CTSA: variants seen among roughly 807,000 people sequenced by gnomAD.
CTSA encodes lysosomal protective protein.
A neutral mutation model predicts 66.7 loss-of-function variants in CTSA; 42 were observed. The ratio of observed to expected loss-of-function variants is 0.63; its 90% confidence interval spans 0.49 to 0.81. The LOEUF (loss-of-function observed/expected upper bound fraction) is 0.81. Ranked by LOEUF, CTSA falls within the 40% of genes least tolerant of loss-of-function variation. CTSA has a pLI of 0.00. For missense variants in CTSA, 525 were observed against 610.9 expected, an observed-to-expected ratio of 0.86 and a Z score of 1.48; for synonymous variants, 225 against 248.6, an observed-to-expected ratio of 0.91 and a Z score of 0.89.
chr20:45,894,666 G>A lies in CTSA; in HGVS notation c.794G>A (p.Arg265His), dbSNP rs1257535287. 45 of 1,613,878 alleles carry A rather than the reference G, an allele frequency of 2.8e-5. No individual in the cohort carries two copies. The highest frequency in any genetic ancestry group is 3.3e-5 in the Admixed American group (2 of 59,990). ...TCATTGCAGCTTCAGGAAGTGGCCCGCATCGTGGGCAACTCTGGCCTCAAC... is the reference window on the plus strand; with the variant it reads ...TCATTGCAGCTTCAGGAAGTGGCCCACATCGTGGGCAACTCTGGCCTCAAC... Reference protein sequence around the residue: ...ECVTNLQEVARIVGNSGLNIY... With the variant: ...ECVTNLQEVAHIVGNSGLNIY... The change falls in exon 9 of 15, where the codon CGC (arginine) becomes CAC (histidine). Residue 265 changes from arginine to histidine, a missense_variant. Around this residue, in one of 3 missense-constraint regions of CTSA, gnomAD observed 274 missense variants for 321.1 expected, o/e 0.85. Coordinates refer to ENST00000646241, the MANE Select transcript of CTSA (RefSeq NM_000308.4).
chr20:45,892,327 T>C lies in CTSA; in HGVS notation c.357+4T>C, dbSNP rs1403580192. On this transcript the variant is annotated splice_donor_region_variant and intron_variant, in intron 4 of 14. Coordinates refer to ENST00000646241, the MANE Select transcript of CTSA (RefSeq NM_000308.4). ...CAACCCCTATTCTTGGAATCTGGTA[T>C]AGCTGGAGCTGTGGGTGTGTCTGGG... 1 of 1,614,196 alleles carries C rather than the reference T, an allele frequency of 6.2e-7. No homozygotes were observed. Among genetic ancestry groups the C allele is most frequent in the Non-Finnish European group, 8.5e-7 (1 of 1,180,004 alleles).
At chr20:45,892,183 T>C in intron 3 of CTSA, 90 bp from the exon 4 acceptor site, 1 of 1,482,446 alleles carries the variant, frequency 6.7e-7, no homozygotes. Context: ...CTCAGAGGTT[T>C]TACCCACATG....
rs765739873 is a variant in CTSA, at chr20:45,898,015, A to G, written c.1265A>G (p.Gln422Arg). The change falls in exon 14 of 15, where the codon CAG (glutamine) becomes CGG (arginine). Residue 422 changes from glutamine (Q) to arginine (R), a missense_variant. Physicochemically the swap from Gln to Arg is conservative, Grantham distance 43. Transcript: ENST00000646241. The surrounding 1 kb of genome is among the most constrained non-coding windows in gnomAD (Gnocchi z 4.6). ...VDSLNQKMEV[Q>R]RRPWLVKYGD... The stretch of plus-strand genomic sequence containing the variant: ...TTCCTGGTGGGGCAGATGGAGGTGC[A>G]GCGCCGGCCCTGGTTAGTGAAGTAC... 6.2e-7 allele frequency: 1 copy of G among 1,614,178 alleles called. No individual in the cohort carries two copies. Among genetic ancestry groups the G allele is most frequent in the Non-Finnish European group, 8.5e-7 (1 of 1,180,030 alleles).
In CTSA at chr20:45,898,658, C is replaced by T; in HGVS notation, c.*208C>T. 1 of 684,820 alleles carries T rather than the reference C, an allele frequency of 1.5e-6. No individual in the cohort carries two copies. Among genetic ancestry groups the T allele is most frequent in the Non-Finnish European group, 2.6e-6 (1 of 388,568 alleles). The allele number at this position is 684,820 out of a possible 1,614,324, so 42.4% of individuals were successfully genotyped here. On this transcript the variant is annotated 3_prime_UTR_variant, in exon 15 of 15. Coordinates refer to ENST00000646241, the MANE Select transcript of CTSA (RefSeq NM_000308.4). The surrounding 1 kb of genome is among the most constrained non-coding windows in gnomAD (Gnocchi z 4.6). ...TAGCACTTTATTCCCGCAGCAGTTC[C>T]TGAATGGGGTGGCCTGGCCCCTTCT...
At chr20:45,893,722 G>C (rs1025773774) in intron 7 of CTSA, among the ~76,000 whole-genome samples, 2 of 152,052 alleles carry the variant, frequency 1.3e-5, no homozygotes, top group Admixed American at 6.6e-5. Flanking sequence ...GGCCTCAAAT[G>C]ATCTTCCCAA....
chr20:45,894,847 C>G lies in CTSA; in HGVS notation c.894C>G (p.Val298=). The G allele has an allele frequency of 6.2e-7, 1 of 1,614,090 alleles. No individual in the cohort carries two copies. The highest frequency in any genetic ancestry group is 8.5e-7 in the Non-Finnish European group (1 of 1,180,018). Residue 298 remains valine, a synonymous_variant, in exon 10 of 15, where the codon GTC becomes GTG. Transcript: ENST00000646241. The part of the protein sequence containing the change: ...HFRYEKDTVV[V]QDLGNIFTRL... ...GGTATGAGAAGGACACTGTTGTGGTCCAGGATTTGGGCAACATCTTCACTC... is the reference window on the plus strand; with the variant it reads ...GGTATGAGAAGGACACTGTTGTGGTGCAGGATTTGGGCAACATCTTCACTC...
In CTSA at chr20:45,898,221, C is replaced by A. The variant is rs910315105; in HGVS notation, c.1359+112C>A. Reference sequence around the variant, plus strand: ...CTGGGTCATGGGTCACCATCTGGCCCCTGTATGGGCAAGTTTTTTTGGAGA... The same window carrying A: ...CTGGGTCATGGGTCACCATCTGGCCACTGTATGGGCAAGTTTTTTTGGAGA... On this transcript the variant is annotated intron_variant, in intron 14 of 14. Coordinates refer to ENST00000646241, the MANE Select transcript of CTSA (RefSeq NM_000308.4). This position sits in a 1 kb window ranked among gnomAD's most constrained non-coding sequence, Gnocchi z 4.6. 1 of 1,368,712 alleles carries A rather than the reference C, an allele frequency of 7.3e-7. No homozygotes were observed. The highest frequency in any genetic ancestry group is 2.4e-5 in the East Asian group (1 of 41,070). The allele number at this position is 1,368,712 out of a possible 1,614,324, so 84.8% of individuals were successfully genotyped here. A position where few individuals can be genotyped will look rare whatever the true frequency, so the allele number is the denominator to read the frequency against.
At position 45,891,429 on chromosome 20, in the gene CTSA, C is replaced by G. The variant is rs776257120; in HGVS notation, c.-1+50C>G. On this transcript the variant is annotated intron_variant, in intron 1 of 14. Transcript: ENST00000646241. This position sits in a 1 kb window ranked among gnomAD's most constrained non-coding sequence, Gnocchi z 4.6. Reference sequence around the variant, plus strand: ...GGGATCCCCGAGCCCGGGATCGGTGCGCGGCAGAGGAGGCTCGCGGGTGGG... The same window carrying G: ...GGGATCCCCGAGCCCGGGATCGGTGGGCGGCAGAGGAGGCTCGCGGGTGGG... 1 of 1,550,746 alleles carries G rather than the reference C, an allele frequency of 6.4e-7. No individual in the cohort carries two copies. Among genetic ancestry groups the G allele is most frequent in the Non-Finnish European group, 8.7e-7 (1 of 1,147,876 alleles).
chr20:45,892,891 G>A lies in CTSA; in HGVS notation c.600+11G>A, dbSNP rs370878542. On this transcript the variant is annotated intron_variant, in intron 6 of 14. Coordinates refer to ENST00000646241, the MANE Select transcript of CTSA (RefSeq NM_000308.4). Reference sequence around the variant, plus strand: ...AGCATGAACCTTCAGGTGCAGGGTAGCTGCAGGAGGGAAGGGAGGTAGCTT... The same window carrying A: ...AGCATGAACCTTCAGGTGCAGGGTAACTGCAGGAGGGAAGGGAGGTAGCTT... The A allele has an allele frequency of 1.2e-6, 2 of 1,613,744 alleles. No homozygotes were observed. The highest frequency in any genetic ancestry group is 1.7e-6 in the Non-Finnish European group (2 of 1,179,938).
chr20:45,891,374 G>A lies in CTSA; in HGVS notation c.-6G>A, dbSNP rs1471695726. On this transcript the variant is annotated 5_prime_UTR_variant, in exon 1 of 15. Transcript: ENST00000646241. This position sits in a 1 kb window ranked among gnomAD's most constrained non-coding sequence, Gnocchi z 4.6. ...TCCTGGAGAGCAAGGACGCGGGGGA[G>A]CAGAGGTGAGCTGGCACCGGAGGCT... is the stretch of plus-strand genomic sequence containing the variant. 2 of 1,573,164 alleles carry A rather than the reference G, an allele frequency of 1.3e-6. No homozygotes were observed. Among genetic ancestry groups the A allele is most frequent in the Admixed American group, 3.7e-5 (2 of 54,006 alleles).
rs1378263922 is a variant in CTSA at position 45,895,031 on chromosome 20, C to G, written c.986C>G (p.Pro329Arg). The change falls in exon 11 of 15, where the codon CCC (proline) becomes CGC (arginine). Residue 329 changes from proline (P) to arginine (R), a missense_variant. Physicochemically the swap from Pro to Arg is moderately radical, Grantham distance 103. This residue lies in a region of CTSA where 274 missense variants were observed against 321.1 expected (regional missense o/e 0.85). Coordinates refer to ENST00000646241, the MANE Select transcript of CTSA (RefSeq NM_000308.4). ...LRSGDKVRMD[P>R]PCTNTTAAST... ...TCAGGGGATAAAGTGCGCATGGACC[C>G]CCCCTGCACCAACACAACAGCTGCT... is the stretch of plus-strand genomic sequence containing the variant. 3 of 1,614,050 alleles carry G rather than the reference C, an allele frequency of 1.9e-6. No individual in the cohort carries two copies. The highest frequency in any genetic ancestry group is 2.5e-6 in the Non-Finnish European group (3 of 1,180,020).
chr20:45,897,893 G>T (rs2145824002), intron 13 of CTSA, 87 bp downstream of exon 13: 1 of 1,513,862 alleles, frequency 6.6e-7, no homozygotes, highest in East Asian at 2.3e-5. Context: ...CTGGCTGCCT[G>T]GCTCTGGCCC....
chr20:45,893,788 G>C (rs1040659216), intron 7 of CTSA, among the ~76,000 whole-genome samples, 200 bp from the exon 8 acceptor site: 2 of 152,132 alleles, frequency 1.3e-5, no homozygotes, highest in African/African-American at 4.8e-5. Context: ...AGATTTTAAA[G>C]GAACTAAGGA....
Position 45,891,826 on chromosome 20 carries a change from G to T in CTSA, c.194+64G>T. 6.2e-7 allele frequency: 1 copy of T among 1,610,486 alleles called. No individual in the cohort carries two copies. The highest frequency in any genetic ancestry group is 8.5e-7 in the Non-Finnish European group (1 of 1,176,788). ...GATGACGGATGAGGGATGGGGGGTA[G>T]TTCTGCAGACCCCTGAGGATGCCTG... On this transcript the variant is annotated intron_variant, in intron 2 of 14. Transcript: ENST00000646241. The surrounding 1 kb of genome is among the most constrained non-coding windows in gnomAD (Gnocchi z 4.6).
Position 45,895,027 on chromosome 20 carries a change from G to A in CTSA, c.982G>A (p.Asp328Asn). 1 of 1,614,108 alleles carries A rather than the reference G, an allele frequency of 6.2e-7. No individual in the cohort carries two copies. The highest frequency in any genetic ancestry group is 8.5e-7 in the Non-Finnish European group (1 of 1,180,018). ...LLRSGDKVRMDPPCTNTTAAS... is the reference protein window; with the variant it reads ...LLRSGDKVRMNPPCTNTTAAS... Reference sequence around the variant, plus strand: ...GCGCTCAGGGGATAAAGTGCGCATGGACCCCCCCTGCACCAACACAACAGC... The same window carrying A: ...GCGCTCAGGGGATAAAGTGCGCATGAACCCCCCCTGCACCAACACAACAGC... The change falls in exon 11 of 15, where the codon GAC becomes AAC. Residue 328 changes from aspartate to asparagine, a missense_variant. Around this residue, in one of 3 missense-constraint regions of CTSA, gnomAD observed 274 missense variants for 321.1 expected, o/e 0.85. Coordinates refer to ENST00000646241, the MANE Select transcript of CTSA (RefSeq NM_000308.4).
Position 45,892,723 on chromosome 20 carries a change from A to C in CTSA, c.445-2A>C. On this transcript the variant is annotated splice_acceptor_variant, in intron 5 of 14. Transcript: ENST00000646241. LOFTEE classifies it high-confidence loss of function. Reference sequence around the variant, plus strand: ...CCCTCTGTCTTGCTCTGCCATCCCCAGGTCGCCCAGAGCAATTTTGAGGCC... The same window carrying C: ...CCCTCTGTCTTGCTCTGCCATCCCCCGGTCGCCCAGAGCAATTTTGAGGCC... The C allele has an allele frequency of 6.2e-7, 1 of 1,614,184 alleles. No individual in the cohort carries two copies. The highest frequency in any genetic ancestry group is 1.3e-5 in the African/African-American group (1 of 75,042).
Position 45,898,130 on chromosome 20 carries a change from G to A in CTSA, c.1359+21G>A. 1 of 1,608,574 alleles carries A rather than the reference G, an allele frequency of 6.2e-7. No individual in the cohort carries two copies. The highest frequency in any genetic ancestry group is 8.5e-7 in the Non-Finnish European group (1 of 1,175,016). On this transcript the variant is annotated intron_variant, in intron 14 of 14. Transcript: ENST00000646241. The surrounding 1 kb of genome is among the most constrained non-coding windows in gnomAD (Gnocchi z 4.6). The stretch of plus-strand genomic sequence containing the variant: ...TCAAGGTAGGGACTGGGCCTGCTGA[G>A]AGATAACTGGGCCGGAGGCAAAGGA...
At chr20:45,894,097 T>C (rs746217287) in intron 8 of CTSA, 25 bp downstream of exon 8, 1 of 1,484,762 alleles carries the variant, frequency 6.7e-7, no homozygotes, top group Middle Eastern at 1.7e-4. Context: ...TCACTTTGCA[T>C]GAGCTCTCCC....
At chr20:45,897,671 A>G (rs2083125060) in intron 12 of CTSA, 46 bp from the exon 13 acceptor site, 2 of 1,144,428 alleles carry the variant, frequency 1.7e-6, no homozygotes, top group Non-Finnish European at 2.7e-6. Flanking sequence ...AGGGCTGGGG[A>G]CTGGGCTTGT....
Sources: gnomAD v4.1 joint callset for allele counts (sites outside exome capture counted in the v4.1 genomes callset) on GRCh38, gnomAD v4.1.1 for gene constraint, gnomAD v4.1.1 regional missense constraint, Gnocchi (gnomAD v3.1) non-coding constraint, MANE v1.5 for transcripts, NCBI Gene and HGNC (gene_info 2026-07-23, HGNC 2026-07-21) for gene names.